The following MTHFD2L variants were observed in gnomAD, a reference collection of about 807,000 sequenced individuals.
MTHFD2L encodes bifunctional methylenetetrahydrofolate dehydrogenase/cyclohydrolase 2, mitochondrial.
A neutral mutation model predicts 34.9 loss-of-function variants in MTHFD2L; 29 were observed. That is an observed-to-expected ratio of 0.83 (90% CI 0.62 to 1.13). MTHFD2L has a LOEUF of 1.13. Ranked by LOEUF, MTHFD2L falls within the 50% of genes most tolerant of loss-of-function variation. The probability of loss-of-function intolerance (pLI) is 0.00; values close to 1 mark genes in which losing one functional copy is unlikely to be tolerated. For synonymous variants in MTHFD2L, 167 were observed against 155.7 expected, an observed-to-expected ratio of 1.07 and a Z score of -0.54; for missense variants, 481 against 446.5, an observed-to-expected ratio of 1.08 and a Z score of -0.70.
chr4:74,160,146 T>TAA (rs1250119646), intron 1 of MTHFD2L: 1 of 1,182,104 alleles, frequency 8.5e-7, no homozygotes, highest in African/African-American at 1.6e-5. Context: ...TTTATATATA[T>TAA]AATGACACAT....
intron 7 of MTHFD2L, among the ~76,000 whole-genome samples, chr4:74,296,937 G>A (rs1463512134): frequency 6.6e-6 from 1 of 152,038 alleles, no homozygotes; most frequent in East Asian, 1.9e-4. Flanking sequence ...ATATTCATCA[G>A]CTGGAGAAGT....
At chr4:74,131,066 C>A (rs59548110) in intron 1 of MTHFD2L, among the ~76,000 whole-genome samples, 3 of 152,210 alleles carry the variant, frequency 2.0e-5, no homozygotes, top group African/African-American at 4.8e-5. Flanking sequence ...AACTACAAAC[C>A]GCTGCTCAAG....
At chr4:74,165,863 T>C (rs1199413299) in intron 1 of MTHFD2L, among the ~76,000 whole-genome samples, 3 of 152,352 alleles carry the variant, frequency 2.0e-5, no homozygotes, top group African/African-American at 7.2e-5. Context: ...TTTTCACAGG[T>C]GCTATGTTGG....
At chr4:74,174,404 G>A in intron 1 of MTHFD2L, 102 bp from the exon 2 acceptor site, 1 of 899,222 alleles carries the variant, frequency 1.1e-6, no homozygotes, top group Non-Finnish European at 1.5e-6. Flanking sequence ...AATTTTGGGT[G>A]CTTGGAGAAT....
intron 5 of MTHFD2L, among the ~76,000 whole-genome samples, chr4:74,214,463 C>T (rs1736860962): frequency 6.6e-6 from 1 of 151,678 alleles, no homozygotes; most frequent in Admixed American, 6.6e-5. Flanking sequence ...TCTAACAGGC[C>T]CCTCTGCTGC....
intron 1 of MTHFD2L, among the ~76,000 whole-genome samples, chr4:74,149,573 G>T (rs1723805872): frequency 6.6e-6 from 1 of 152,180 alleles, no homozygotes. Flanking sequence ...GTTGTTAAAA[G>T]ATGTATTTGT....
At chr4:74,229,688 G>A (rs1246577) in intron 6 of MTHFD2L, among the ~76,000 whole-genome samples, 39,345 of 151,832 alleles carry the variant, frequency 0.26, 5,401 homozygotes, top group African/African-American at 0.35. Context: ...ACTCCTACTG[G>A]CTTATATATC....
intron 2 of MTHFD2L, among the ~76,000 whole-genome samples, chr4:74,116,391 C>T (rs1389711630): frequency 6.6e-6 from 1 of 152,118 alleles, no homozygotes; most frequent in African/African-American, 2.4e-5. Flanking sequence ...ACTAGCTACT[C>T]CAACATCACC....
intron 6 of MTHFD2L, 75 bp from the exon 7 acceptor site, chr4:74,281,350 T>TGTGTG: frequency 6.9e-7 from 1 of 1,446,790 alleles, no homozygotes; most frequent in Non-Finnish European, 9.5e-7. Context: ...TGTGTGTGTG[T>TGTGTG]ATTTTTAAAG....
intron 5 of MTHFD2L, among the ~76,000 whole-genome samples, chr4:74,206,976 C>T (rs1735440317): frequency 6.6e-6 from 1 of 152,138 alleles, no homozygotes; most frequent in Admixed American, 6.5e-5. Flanking sequence ...TCACGGCTCA[C>T]TGCAGCCTCA....
At chr4:74,296,352 G>C (rs1749631360) in intron 7 of MTHFD2L, among the ~76,000 whole-genome samples, 1 of 152,130 alleles carries the variant, frequency 6.6e-6, no homozygotes. Context: ...TGGGAGCCAA[G>C]AGGCTACTGT....
chr4:74,158,922 T>G (rs1724797620), intron 1 of MTHFD2L, among the ~76,000 whole-genome samples: 1 of 152,180 alleles, frequency 6.6e-6, no homozygotes. Context: ...CCAGTCTTAG[T>G]TGCAAAATCC....
chr4:74,241,042 C>T (rs762725734), intron 6 of MTHFD2L, among the ~76,000 whole-genome samples: 15 of 152,026 alleles, frequency 9.9e-5, no homozygotes, highest in South Asian at 4.2e-4. Flanking sequence ...AGGATAATTT[C>T]GGCTTTCAAA....
intron 5 of MTHFD2L, among the ~76,000 whole-genome samples, chr4:74,205,866 G>A (rs997422057): frequency 6.6e-6 from 1 of 152,012 alleles, no homozygotes; most frequent in Non-Finnish European, 1.5e-5. Flanking sequence ...ACAAGTATGG[G>A]TAATTTAAAT....
intron 1 of MTHFD2L, among the ~76,000 whole-genome samples, chr4:74,130,428 T>C (rs1472059739): frequency 6.6e-6 from 1 of 152,132 alleles, no homozygotes; most frequent in Non-Finnish European, 1.5e-5. Flanking sequence ...CAAGGCTGGT[T>C]CAAGATATGC....
At chr4:74,234,225 C>CT (rs1001798158) in intron 6 of MTHFD2L, among the ~76,000 whole-genome samples, 2 of 151,944 alleles carry the variant, frequency 1.3e-5, no homozygotes, top group African/African-American at 4.8e-5. Context: ...ATGTCCAGGT[C>CT]TTTAAAAGGT....
intron 1 of MTHFD2L, among the ~76,000 whole-genome samples, chr4:74,152,339 AT>A (rs937882169): frequency 2.6e-5 from 4 of 151,990 alleles, no homozygotes; most frequent in Admixed American, 2.6e-4. Context: ...CTTCTTTTCC[AT>A]TTCTGTCTGT....
In MTHFD2L at chr4:74,281,419, T is replaced by C. The variant is rs755117135; in HGVS notation, c.806-6T>C. On this transcript the variant is annotated splice_polypyrimidine_tract_variant and splice_region_variant and intron_variant, in intron 6 of 7. Transcript: ENST00000325278. ...CTGAAGGACAAACAACTCTTTTTGT[T>C]TTCAGGTATTCCAAAGTTGATTACG... The C allele has an allele frequency of 1.2e-6, 2 of 1,609,664 alleles. No individual in the cohort carries two copies. The highest frequency in any genetic ancestry group is 3.4e-5 in the Admixed American group (2 of 59,432).
chr4:74,200,027 T>G, intron 4 of MTHFD2L, 81 bp downstream of exon 4: 1 of 1,301,072 alleles, frequency 7.7e-7, no homozygotes, highest in Non-Finnish European at 1.1e-6. Context: ...TGGGACTACC[T>G]CAGTCCTATA....
Sources: allele counts gnomAD v4.1 joint callset (sites outside exome capture counted in the v4.1 genomes callset), GRCh38; gene constraint gnomAD v4.1.1; transcripts MANE v1.5; gene names NCBI Gene and HGNC (gene_info 2026-07-23, HGNC 2026-07-21).